The following DOCK1 variants were observed in gnomAD, a reference collection of about 807,000 sequenced individuals.
DOCK1 encodes dedicator of cytokinesis protein 1.
A neutral mutation model predicts 262.7 loss-of-function variants in DOCK1; 138 were observed. The observed-to-expected ratio is 0.53, with a 90% CI of 0.46 to 0.61. The LOEUF is 0.61. Ranked by LOEUF, DOCK1 falls within the 20% of genes least tolerant of loss-of-function variation. DOCK1 has a pLI of 0.00. For synonymous variants in DOCK1, 866 were observed against 867.4 expected (o/e 1.00, Z 0.03); for missense variants, 1,908 against 2,370.7 (o/e 0.80, Z 4.05).
intron 47 of DOCK1, among the ~76,000 whole-genome samples, chr10:127,432,324 T>C (rs2069350349): frequency 6.6e-6 from 1 of 151,878 alleles, no homozygotes; most frequent in African/African-American, 2.4e-5. Context: ...GGCGTTATAT[T>C]AATCTTACCT....
intron 27 of DOCK1, among the ~76,000 whole-genome samples, chr10:127,229,344 T>C (rs2058754855): frequency 6.6e-6 from 1 of 152,198 alleles, no homozygotes; most frequent in Non-Finnish European, 1.5e-5. Flanking sequence ...GAACTTATTC[T>C]GCCTGTCTAA....
intron 1 of DOCK1, among the ~76,000 whole-genome samples, chr10:126,923,483 G>A (rs1293846628): frequency 6.6e-6 from 1 of 151,514 alleles, no homozygotes; most frequent in Non-Finnish European, 1.5e-5. Context: ...AATTAGCCGG[G>A]TGTGGTGGCA....
chr10:126,944,145 G>A (rs975935499), intron 1 of DOCK1, among the ~76,000 whole-genome samples: 6,664 of 151,438 alleles, frequency 0.044, 221 homozygotes, highest in Non-Finnish European at 0.072. Context: ...GTGGGGAGGA[G>A]CCAGTGGGTT....
intron 1 of DOCK1, among the ~76,000 whole-genome samples, chr10:126,960,593 G>A (rs2037116525): frequency 1.3e-5 from 2 of 151,268 alleles, no homozygotes; most frequent in South Asian, 4.3e-4. Context: ...TGAAGTTGGA[G>A]GGCGCATGGG....
chr10:127,025,789 G>A (rs894802731), intron 15 of DOCK1, among the ~76,000 whole-genome samples: 8 of 152,040 alleles, frequency 5.3e-5, no homozygotes, highest in Non-Finnish European at 1.2e-4. Context: ...TTGGCCGGAT[G>A]TGGTGGCTCA....
chr10:127,351,064 C>CT (rs200694949), intron 31 of DOCK1, among the ~76,000 whole-genome samples: 1,679 of 152,250 alleles, frequency 0.011, 16 homozygotes, highest in Middle Eastern at 0.048. Context: ...CAAGCCTGAG[C>CT]TATCACTCGG....
At chr10:126,981,549 T>G (rs956287241) in intron 3 of DOCK1, among the ~76,000 whole-genome samples, 1 of 152,202 alleles carries the variant, frequency 6.6e-6, no homozygotes, top group Non-Finnish European at 1.5e-5. Flanking sequence ...TAAACCAACT[T>G]TCATCATTTT....
chr10:127,319,532 C>T (rs1204111198), intron 29 of DOCK1, among the ~76,000 whole-genome samples: 1 of 152,178 alleles, frequency 6.6e-6, no homozygotes, highest in Non-Finnish European at 1.5e-5. Flanking sequence ...CACTCAGTTG[C>T]CTCCTGTTAA....
At chr10:127,105,400 G>GT (rs2048474065) in intron 23 of DOCK1, among the ~76,000 whole-genome samples, 1 of 152,136 alleles carries the variant, frequency 6.6e-6, no homozygotes, top group Non-Finnish European at 1.5e-5. Context: ...TTTTGAGGGT[G>GT]TTTGTTTTCT....
intron 27 of DOCK1, among the ~76,000 whole-genome samples, chr10:127,134,587 G>A (rs1003750096): frequency 6.6e-6 from 1 of 152,136 alleles, no homozygotes; most frequent in Non-Finnish European, 1.5e-5. Flanking sequence ...CATTGTATCT[G>A]GGTGTCTGTA....
chr10:126,932,419 CT>C (rs1358962161), intron 1 of DOCK1, among the ~76,000 whole-genome samples: 9,261 of 152,294 alleles, frequency 0.061, 362 homozygotes, highest in Middle Eastern at 0.11. Context: ...CTAGAGATTG[CT>C]TTTGACTAAA....
rs967037783 is a variant in DOCK1 at position 127,175,150 on chromosome 10, A to G, written c.2847+47386A>G. The G allele has an allele frequency of 1.4e-6, 2 of 1,403,674 alleles. No individual in the cohort carries two copies. Among genetic ancestry groups the G allele is most frequent in the Non-Finnish European group, 2.0e-6 (2 of 1,016,552 alleles). The allele number at this position is 1,403,674 out of a possible 1,614,324, so 87.0% of individuals were successfully genotyped here. ...TCATTACAGACTTGGGTTTGGGGCTACAGATGGACTCTGTGGTGATCAGCC... is the reference window on the plus strand; with the variant it reads ...TCATTACAGACTTGGGTTTGGGGCTGCAGATGGACTCTGTGGTGATCAGCC... On this transcript the variant is annotated intron_variant, in intron 27 of 51. Coordinates refer to ENST00000623213, the MANE Select transcript of DOCK1 (RefSeq NM_001290223.2). This position sits in a 1 kb window ranked among gnomAD's most constrained non-coding sequence, Gnocchi z 6.3.
intron 27 of DOCK1, among the ~76,000 whole-genome samples, chr10:127,222,852 T>C (rs767116053): frequency 9.6e-6 from 1 of 104,082 alleles, no homozygotes; most frequent in Non-Finnish European, 2.2e-5. Flanking sequence ...TTCTTAAAAA[T>C]TTTTTGTGGA....
chr10:127,205,826 A>G (rs528779599), intron 27 of DOCK1, among the ~76,000 whole-genome samples: 1 of 152,332 alleles, frequency 6.6e-6, no homozygotes, highest in East Asian at 1.9e-4. Context: ...ATGGTCTCCC[A>G]TAGCCTTCCC....
At chr10:127,319,290 G>T (rs904267960) in intron 29 of DOCK1, among the ~76,000 whole-genome samples, 3 of 152,156 alleles carry the variant, frequency 2.0e-5, no homozygotes, top group Non-Finnish European at 4.4e-5. Context: ...CCGTAGCAGG[G>T]GAACTAATTG....
intron 29 of DOCK1, among the ~76,000 whole-genome samples, chr10:127,281,765 AT>A (rs1564962153): frequency 6.6e-6 from 1 of 152,140 alleles, no homozygotes; most frequent in Non-Finnish European, 1.5e-5. Context: ...GACCGGGATG[AT>A]TTGAGAAATG....
At chr10:126,943,256 A>T (rs1296511480) in intron 1 of DOCK1, among the ~76,000 whole-genome samples, 2 of 152,210 alleles carry the variant, frequency 1.3e-5, no homozygotes, top group African/African-American at 4.8e-5. Flanking sequence ...CCATCTCAAA[A>T]AATAAAAACA....
chr10:127,351,646 T>G (rs1201091228), intron 31 of DOCK1, among the ~76,000 whole-genome samples: 1 of 152,128 alleles, frequency 6.6e-6, no homozygotes, highest in Non-Finnish European at 1.5e-5. Flanking sequence ...TCCCCAGGAC[T>G]GCCACCAGCC....
chr10:126,990,479 A>G lies in DOCK1; in HGVS notation c.349A>G (p.Ser117Gly), dbSNP rs1443265553. 1.2e-6 allele frequency: 2 copies of G among 1,611,632 alleles called. No homozygotes were observed. The highest frequency in any genetic ancestry group is 1.1e-5 in the South Asian group (1 of 90,248). The stretch of plus-strand genomic sequence containing the variant: ...GCAAGATAACAGGGAGATGTTTCGA[A>G]GTGTGCGGCACATGATCTATGACCT... Reference protein sequence around the residue: ...YVQDNREMFRSVRHMIYDLIE... With the variant: ...YVQDNREMFRGVRHMIYDLIE... Residue 117 changes from serine to glycine, a missense_variant, in exon 6 of 52, where the codon AGT (serine) becomes GGT (glycine). By Grantham distance (56) the Ser-to-Gly change is moderately conservative. Transcript: ENST00000623213.
Sources: allele counts gnomAD v4.1 joint callset (sites outside exome capture counted in the v4.1 genomes callset), GRCh38; gene constraint gnomAD v4.1.1; non-coding constraint Gnocchi (gnomAD v3.1); transcripts MANE v1.5; gene names NCBI Gene and HGNC (gene_info 2026-07-23, HGNC 2026-07-21).